The following SCOC variants were observed in gnomAD, a reference collection of about 807,000 sequenced individuals.
SCOC encodes short coiled-coil protein.
In SCOC, 7 loss-of-function variants were observed where a neutral mutation model predicts 9.9. The observed-to-expected ratio is 0.71, with a 90% CI of 0.40 to 1.33. The LOEUF (loss-of-function observed/expected upper bound fraction) is 1.33, where lower values mean the gene tolerates loss of function less well. SCOC is among the 40% of genes most tolerant of loss of function. The pLI, the probability that SCOC is intolerant of heterozygous loss-of-function variation, is 0.01. For missense variants in SCOC, 66 were observed against 89.7 expected (o/e 0.74, Z 1.07); for synonymous variants, 19 against 28.2 (o/e 0.67, Z 1.03).
At chr4:140,287,275 A>G (rs1270733677) in intron 1 of SCOC, among the ~76,000 whole-genome samples, 1 of 149,718 alleles carries the variant, frequency 6.7e-6, no homozygotes, top group African/African-American at 2.6e-5. Context: ...AATCATGTGC[A>G]CATGCCACAC....
Position 140,381,260 on chromosome 4 carries a change from TC to T in SCOC, c.*158del. 1.5e-6 allele frequency: 1 copy of T among 652,532 alleles called. No homozygotes were observed. Among genetic ancestry groups the T allele is most frequent in the Non-Finnish European group, 2.5e-6 (1 of 403,730 alleles). The allele number at this position is 652,532 out of a possible 1,614,324, so 40.4% of individuals were successfully genotyped here. On this transcript the variant is annotated 3_prime_UTR_variant, in exon 4 of 4. Transcript: ENST00000608372. ...AAAAATAACACAATAACAGGAGACT[TC>T]CATAAGTTTGTGTATTATGTTAGTC... is the stretch of plus-strand genomic sequence containing the variant.
chr4:140,305,644 A>G (rs1027809727), intron 1 of SCOC, among the ~76,000 whole-genome samples: 7 of 152,200 alleles, frequency 4.6e-5, no homozygotes, highest in African/African-American at 1.7e-4. Context: ...TTGGTTTGTC[A>G]AGGAGGAAGA....
chr4:140,270,966 C>A (rs1730831136), intron 1 of SCOC, among the ~76,000 whole-genome samples: 1 of 152,150 alleles, frequency 6.6e-6, no homozygotes, highest in African/African-American at 2.4e-5. Flanking sequence ...CTGCTGGACC[C>A]CCCAAACCAT....
At position 140,384,758 on chromosome 4, in the gene SCOC, G is replaced by A. The variant is rs1486938086; in HGVS notation, c.*3654G>A. ...CATGCTGGTAGAATAATGTTTGGTA[G>A]GGAAAAATCAGCATACTCCTTGTTA... On this transcript the variant is annotated 3_prime_UTR_variant, in exon 4 of 4. Transcript: ENST00000608372. 3 of 152,120 alleles carry A rather than the reference G, an allele frequency of 2.0e-5. No individual in the cohort carries two copies. The highest frequency in any genetic ancestry group is 4.4e-5 in the Non-Finnish European group (3 of 68,016). 9.4% of individuals were successfully genotyped at this position (152,120 alleles called of 1,614,324 possible).
chr4:140,274,525 G>A (rs1004781305), intron 1 of SCOC, among the ~76,000 whole-genome samples: 13 of 152,224 alleles, frequency 8.5e-5, no homozygotes, highest in African/African-American at 2.9e-4. Flanking sequence ...TTTCTCTCTC[G>A]GCAGGTGCAT....
chr4:140,317,583 A>G (rs1011904707), intron 1 of SCOC, among the ~76,000 whole-genome samples: 69 of 150,142 alleles, frequency 4.6e-4, no homozygotes, highest in African/African-American at 1.7e-3. Flanking sequence ...TCAGTTTTTG[A>G]GACATGAGTC....
Position 140,383,658 on chromosome 4 carries a change from G to A in SCOC, c.*2554G>A, listed in dbSNP as rs1232653857. ...CTTCCATGGCTACCTCAGAAGTAGA[G>A]ATTGGGTGTTCACTCCATGGGAATT... On this transcript the variant is annotated 3_prime_UTR_variant, in exon 4 of 4. Transcript: ENST00000608372. 2.6e-5 allele frequency: 4 copies of A among 152,150 alleles called. No homozygotes were observed. The highest frequency in any genetic ancestry group is 2.6e-4 in the Admixed American group (4 of 15,266). 9.4% of individuals were successfully genotyped at this position (152,150 alleles called of 1,614,324 possible). A position where few individuals can be genotyped will look rare whatever the true frequency, so the allele number is the denominator to read the frequency against.
chr4:140,277,625 AAG>A (rs1465339435), intron 1 of SCOC, among the ~76,000 whole-genome samples: 166 of 152,338 alleles, frequency 1.1e-3, no homozygotes, highest in Middle Eastern at 6.8e-3. Flanking sequence ...AATATGTACA[AAG>A]AGATATTTTT....
At chr4:140,354,281 C>T (rs1369170704) in intron 2 of SCOC, among the ~76,000 whole-genome samples, 3 of 152,102 alleles carry the variant, frequency 2.0e-5, no homozygotes, top group Non-Finnish European at 4.4e-5. Flanking sequence ...CAGTGTTTCT[C>T]ATCTGACACA....
rs1732761996 is a variant in SCOC at position 140,329,919 on chromosome 4, G to C, written c.-18-13702G>C. 1.3e-5 allele frequency among the ~76,000 whole-genome samples: 2 copies of C among 152,162 alleles called. 1 individual carries two copies. Among genetic ancestry groups the C allele is most frequent in the Admixed American group, 1.3e-4 (2 of 15,266 alleles). On this transcript the variant is annotated intron_variant, in intron 1 of 4. Coordinates refer to the SCOC transcript ENST00000394205. ...GAGTTTCCTTAAAGAGCTAAAAGTA[G>C]ATCTACCATTTGATCCAGCAATCCC...
At chr4:140,377,866 T>C (rs1262585203) in intron 1 of SCOC, among the ~76,000 whole-genome samples, 1 of 152,204 alleles carries the variant, frequency 6.6e-6, no homozygotes, top group East Asian at 1.9e-4. Context: ...AACAATGCCT[T>C]GGGCATAGAA....
At chr4:140,344,184 T>G (rs1473244446) in intron 2 of SCOC, among the ~76,000 whole-genome samples, 1 of 152,102 alleles carries the variant, frequency 6.6e-6, no homozygotes, top group African/African-American at 2.4e-5. Context: ...AGGAACCAAG[T>G]GGGAGAGCAG....
upstream of SCOC, chr4:140,373,163 T>G: frequency 1.7e-6 from 1 of 573,026 alleles, no homozygotes; most frequent in Non-Finnish European, 2.3e-6. Context: ...AAAGTCTGCT[T>G]TTAGAATTAA....
At chr4:140,281,724 C>G (rs1352095413) in intron 1 of SCOC, among the ~76,000 whole-genome samples, 3 of 152,164 alleles carry the variant, frequency 2.0e-5, no homozygotes, top group Non-Finnish European at 4.4e-5. Flanking sequence ...TTCACTTGAG[C>G]CTTCTCCTTG....
chr4:140,310,571 C>T (rs535370047), intron 1 of SCOC, among the ~76,000 whole-genome samples: 2 of 152,344 alleles, frequency 1.3e-5, no homozygotes, highest in African/African-American at 4.8e-5. Flanking sequence ...TGGGAACCTT[C>T]CTTCTCCCTC....
chr4:140,372,414 T>C (rs186622037), upstream of SCOC, among the ~76,000 whole-genome samples: 1 of 152,370 alleles, frequency 6.6e-6, no homozygotes, highest in Non-Finnish European at 1.5e-5. Flanking sequence ...AATAAGTACT[T>C]CTTGAATCTG....
rs1727810065 is a variant in SCOC at position 140,366,622 on chromosome 4, G to C, written c.71-12499G>C. On this transcript the variant is annotated intron_variant, in intron 2 of 4. Transcript: ENST00000338517. ...GGCTGCCCATTTTGTATTGATGTTT[G>C]CCTTCTGCCAGGCTTGTCTGACATA... is the stretch of plus-strand genomic sequence containing the variant. The C allele has an allele frequency of 2.5e-6, 4 of 1,606,570 alleles. No homozygotes were observed. In the African/African-American group the frequency reaches 5.4e-5, roughly 21 times the overall value.
chr4:140,372,416 T>C (rs1728094526), upstream of SCOC, among the ~76,000 whole-genome samples: 1 of 152,238 alleles, frequency 6.6e-6, no homozygotes, highest in South Asian at 2.1e-4. Context: ...TAAGTACTTC[T>C]TGAATCTGAA....
intron 1 of SCOC, among the ~76,000 whole-genome samples, chr4:140,378,881 T>G (rs1728453882): frequency 6.6e-6 from 1 of 152,200 alleles, no homozygotes; most frequent in African/African-American, 2.4e-5. Context: ...GATCATTATC[T>G]CCTTTAAAAA....
Sources: gnomAD v4.1 joint callset for allele counts (sites outside exome capture counted in the v4.1 genomes callset) on GRCh38, gnomAD v4.1.1 for gene constraint, MANE v1.5 for transcripts, NCBI Gene and HGNC (gene_info 2026-07-23, HGNC 2026-07-21) for gene names.